The following SUPT3H variants were observed in gnomAD, a reference collection of about 807,000 sequenced individuals.
SUPT3H encodes the protein SPT3 homolog, SAGA and STAGA complex component.
Under a neutral mutation model 44.3 loss-of-function variants are expected in SUPT3H, and 44 were observed. That is an observed-to-expected ratio of 0.99 (90% CI 0.78 to 1.28). SUPT3H has a LOEUF of 1.28. Among genes scored for constraint, SUPT3H ranks in the 50% most tolerant of loss-of-function variants. The pLI is 0.00. For missense variants in SUPT3H, 380 were observed against 387.1 expected (o/e 0.98, Z 0.15); for synonymous variants, 124 against 125.6 (o/e 0.99, Z 0.09).
intron 10 of SUPT3H, among the ~76,000 whole-genome samples, chr6:44,912,117 T>C (rs1043010211): frequency 1.3e-5 from 2 of 152,156 alleles, no homozygotes; most frequent in African/African-American, 2.4e-5. Flanking sequence ...AAATTTGTCA[T>C]TTTAACAATT....
chr6:45,097,731 C>T (rs1189473334), intron 3 of SUPT3H: 1 of 152,202 alleles, frequency 6.6e-6, no homozygotes, highest in African/African-American at 2.4e-5. Context: ...TCTTCTATCT[C>T]TAATGATAAA....
intron 7 of SUPT3H, among the ~76,000 whole-genome samples, chr6:44,959,708 T>C (rs1775728616): frequency 6.6e-6 from 1 of 152,172 alleles, no homozygotes; most frequent in Non-Finnish European, 1.5e-5. Flanking sequence ...ATTAGATTAG[T>C]GTGCCGATGC....
chr6:45,039,130 G>A (rs983336255), intron 3 of SUPT3H, among the ~76,000 whole-genome samples: 1 of 152,084 alleles, frequency 6.6e-6, no homozygotes, highest in Non-Finnish European at 1.5e-5. Context: ...AAACAAATCT[G>A]CTGAACATAA....
At chr6:44,978,359 A>G (rs1006047504) in intron 6 of SUPT3H, among the ~76,000 whole-genome samples, 1 of 152,208 alleles carries the variant, frequency 6.6e-6, no homozygotes, top group South Asian at 2.1e-4. Flanking sequence ...TAATTTGTCC[A>G]GGTTAGTAAC....
chr6:45,018,028 A>C (rs1230219403), intron 4 of SUPT3H, among the ~76,000 whole-genome samples: 1 of 151,750 alleles, frequency 6.6e-6, no homozygotes, highest in Non-Finnish European at 1.5e-5. Flanking sequence ...TCCTTGAGCA[A>C]TGGTTTGTAG....
At chr6:45,168,059 C>T (rs928200866) in intron 2 of SUPT3H, among the ~76,000 whole-genome samples, 5 of 152,138 alleles carry the variant, frequency 3.3e-5, no homozygotes, top group African/African-American at 9.7e-5. Flanking sequence ...GATCCACCCA[C>T]CTCGGCCTCC....
At chr6:45,043,439 C>A (rs1247159099) in intron 3 of SUPT3H, among the ~76,000 whole-genome samples, 1 of 152,052 alleles carries the variant, frequency 6.6e-6, no homozygotes, top group African/African-American at 2.4e-5. Flanking sequence ...AGCATGGTAC[C>A]TGAGATAATG....
chr6:45,139,882 C>T (rs995662917), intron 2 of SUPT3H, among the ~76,000 whole-genome samples: 3 of 152,066 alleles, frequency 2.0e-5, no homozygotes, highest in African/African-American at 7.2e-5. Context: ...TGACTGGGCA[C>T]AAATTTACCT....
intron 10 of SUPT3H, among the ~76,000 whole-genome samples, chr6:44,879,075 A>C (rs1019624792): frequency 6.6e-6 from 1 of 152,092 alleles, no homozygotes; most frequent in Non-Finnish European, 1.5e-5. Context: ...AGTGAGACAG[A>C]ACCATTCACT....
intron 9 of SUPT3H, among the ~76,000 whole-genome samples, chr6:44,934,430 A>T (rs771338311): frequency 6.6e-6 from 1 of 152,232 alleles, no homozygotes; most frequent in Non-Finnish European, 1.5e-5. Flanking sequence ...AGAATGAGGC[A>T]GTTCCCTACA....
intron 3 of SUPT3H, among the ~76,000 whole-genome samples, chr6:45,036,283 C>G (rs1454433619): frequency 2.0e-5 from 3 of 151,942 alleles, no homozygotes; most frequent in Non-Finnish European, 4.4e-5. Context: ...TCACGAACAC[C>G]CCATGCAAAG....
chr6:45,315,461 G>A (rs1448191935), intron 2 of SUPT3H, among the ~76,000 whole-genome samples: 1 of 152,040 alleles, frequency 6.6e-6, no homozygotes, highest in Non-Finnish European at 1.5e-5. Flanking sequence ...CAAAAAGTGG[G>A]CTAAGGACAT....
At chr6:45,377,648 G>A (rs924007203) in intron 1 of SUPT3H, 120 bp downstream of exon 1, 3 of 152,190 alleles carry the variant, frequency 2.0e-5, no homozygotes, top group African/African-American at 7.2e-5. Flanking sequence ...CTCGAGCCGG[G>A]GCCAGGGCGT....
chr6:45,218,690 C>G (rs924236674), intron 2 of SUPT3H, among the ~76,000 whole-genome samples: 1 of 152,162 alleles, frequency 6.6e-6, no homozygotes, highest in Non-Finnish European at 1.5e-5. Flanking sequence ...GCTGAGATCA[C>G]GCCATTGCAT....
intron 2 of SUPT3H, among the ~76,000 whole-genome samples, chr6:45,241,660 G>A (rs767671531): frequency 2.0e-5 from 3 of 152,162 alleles, no homozygotes; most frequent in African/African-American, 4.8e-5. Context: ...TTCCTCTAGA[G>A]CTGCTGGGTT....
chr6:45,120,804 A>T (rs1801552279), intron 2 of SUPT3H, among the ~76,000 whole-genome samples: 1 of 152,184 alleles, frequency 6.6e-6, no homozygotes, highest in African/African-American at 2.4e-5. Context: ...AACCTGGGGA[A>T]CTCCATAGTG....
intron 2 of SUPT3H, among the ~76,000 whole-genome samples, chr6:45,144,800 CATTTGATAAATGAATTCAGTA>C (rs1805774952): frequency 6.6e-6 from 1 of 152,004 alleles, no homozygotes; most frequent in Non-Finnish European, 1.5e-5. Flanking sequence ...TAAATGAATT[CATTTGATAAATGAATTCAGTA>C]GTTTCAGGAT....
intron 10 of SUPT3H, among the ~76,000 whole-genome samples, chr6:44,844,933 C>A (rs1461077796): frequency 3.9e-5 from 6 of 152,098 alleles, no homozygotes; most frequent in Non-Finnish European, 7.4e-5. Flanking sequence ...AAAACCCCCC[C>A]CACAATAATG....
At chr6:44,922,400 A>T (rs1235621894) in intron 10 of SUPT3H, among the ~76,000 whole-genome samples, 1 of 152,224 alleles carries the variant, frequency 6.6e-6, no homozygotes, top group Non-Finnish European at 1.5e-5. Context: ...TTAACTTTGC[A>T]GCTACATCAG....
Sources: allele counts gnomAD v4.1 joint callset (sites outside exome capture counted in the v4.1 genomes callset), GRCh38; gene constraint gnomAD v4.1.1; transcripts MANE v1.5; gene names NCBI Gene and HGNC (gene_info 2026-07-23, HGNC 2026-07-21).